The following MDGA2 variants were observed in gnomAD, a reference collection of about 807,000 sequenced individuals.
MDGA2 encodes the protein MAM domain-containing glycosylphosphatidylinositol anchor protein 2.
MDGA2 carries 40 observed loss-of-function variants against 117.8 expected under a neutral mutation model. The observed-to-expected ratio is 0.34, with a 90% confidence interval of 0.26 to 0.44. The LOEUF is 0.44. Among genes scored for constraint, MDGA2 ranks in the 20% least tolerant of loss-of-function variants. The pLI, the probability that MDGA2 is intolerant of heterozygous loss-of-function variation, is 1.00. For missense variants in MDGA2, 1,123 were observed against 1,250.6 expected (o/e 0.90, Z 1.54); for synonymous variants, 452 against 439.0 (o/e 1.03, Z -0.37).
At chr14:47,321,238 T>A (rs1489915362) in intron 1 of MDGA2, among the ~76,000 whole-genome samples, 1 of 152,192 alleles carries the variant, frequency 6.6e-6, no homozygotes, top group Non-Finnish European at 1.5e-5. Context: ...CTCTTGAGAT[T>A]CTCTTATGTG....
intron 1 of MDGA2, among the ~76,000 whole-genome samples, chr14:47,531,077 C>T (rs940473643): frequency 5.3e-5 from 8 of 152,078 alleles, no homozygotes; most frequent in Non-Finnish European, 1.0e-4. Context: ...AACCCCGTCT[C>T]TACTAAAAAT....
At chr14:47,267,478 T>A (rs930514666) in intron 2 of MDGA2, among the ~76,000 whole-genome samples, 1 of 152,172 alleles carries the variant, frequency 6.6e-6, no homozygotes, top group Admixed American at 6.5e-5. Flanking sequence ...GTTATTTATG[T>A]CATTTTTTTT....
At chr14:47,458,549 G>C (rs1318332455) in intron 1 of MDGA2, among the ~76,000 whole-genome samples, 5 of 152,124 alleles carry the variant, frequency 3.3e-5, no homozygotes, top group African/African-American at 1.2e-4. Context: ...CAAAGTTTCA[G>C]TTATGCTGGA....
chr14:47,261,831 C>T (rs1887806637), intron 2 of MDGA2, among the ~76,000 whole-genome samples: 3 of 152,086 alleles, frequency 2.0e-5, no homozygotes, highest in Non-Finnish European at 2.9e-5. Flanking sequence ...GTAAACTAAA[C>T]CAGCAACCTA....
intron 14 of MDGA2, among the ~76,000 whole-genome samples, chr14:46,864,738 C>T (rs576125447): frequency 1.3e-5 from 2 of 151,692 alleles, no homozygotes; most frequent in Admixed American, 6.6e-5. Flanking sequence ...TAATTCTTAA[C>T]AGAAAGCGTG....
intron 1 of MDGA2, among the ~76,000 whole-genome samples, chr14:47,405,660 T>A (rs1300498094): frequency 2.6e-5 from 4 of 152,204 alleles, no homozygotes; most frequent in Non-Finnish European, 5.9e-5. Context: ...GCAAAATCAC[T>A]TTGACAGTTA....
chr14:47,552,378 C>T (rs567209611), intron 1 of MDGA2, among the ~76,000 whole-genome samples: 1 of 152,326 alleles, frequency 6.6e-6, no homozygotes, highest in South Asian at 2.1e-4. Context: ...CCAAAACTGG[C>T]TTTGAGCTAA....
At chr14:47,284,289 ACT>A (rs1275689651) in intron 2 of MDGA2, among the ~76,000 whole-genome samples, 11 of 152,164 alleles carry the variant, frequency 7.2e-5, no homozygotes, top group Non-Finnish European at 1.5e-5. Context: ...CATCTCTGGG[ACT>A]TGAGTGTAAT....
At chr14:47,320,076 T>G (rs1428759388) in intron 1 of MDGA2, among the ~76,000 whole-genome samples, 2 of 152,212 alleles carry the variant, frequency 1.3e-5, no homozygotes, top group African/African-American at 2.4e-5. Context: ...TGAAGCAGAT[T>G]CTTCCTTACA....
chr14:47,540,563 TAC>T (rs1555330674), intron 1 of MDGA2, among the ~76,000 whole-genome samples: 3 of 112,520 alleles, frequency 2.7e-5, no homozygotes, highest in African/African-American at 2.9e-5. Context: ...TGTATATATA[TAC>T]ACACACACAT....
intron 9 of MDGA2, among the ~76,000 whole-genome samples, chr14:46,922,722 C>A (rs1884178996): frequency 6.6e-6 from 1 of 152,142 alleles, no homozygotes; most frequent in Non-Finnish European, 1.5e-5. Flanking sequence ...TCTGAAATTA[C>A]CTCCAGGTCT....
At chr14:47,258,958 G>A (rs994315688) in intron 2 of MDGA2, among the ~76,000 whole-genome samples, 1 of 152,090 alleles carries the variant, frequency 6.6e-6, no homozygotes, top group African/African-American at 2.4e-5. Flanking sequence ...CCCATAACCT[G>A]TCAGCTGAAA....
intron 3 of MDGA2, among the ~76,000 whole-genome samples, chr14:47,157,120 A>C (rs1883419872): frequency 6.6e-6 from 1 of 152,184 alleles, no homozygotes; most frequent in South Asian, 2.1e-4. Context: ...TTCTTTGATA[A>C]ATCGATGGGA....
intron 1 of MDGA2, among the ~76,000 whole-genome samples, chr14:47,602,693 A>G (rs987920501): frequency 6.6e-6 from 1 of 152,180 alleles, no homozygotes; most frequent in Non-Finnish European, 1.5e-5. Flanking sequence ...CTCCAATGGC[A>G]GGAAAACTTA....
At chr14:47,299,024 T>G (rs79567268) in intron 2 of MDGA2, among the ~76,000 whole-genome samples, 4,413 of 152,128 alleles carry the variant, frequency 0.029, 153 homozygotes, top group East Asian at 0.18. Context: ...AAGCTGAAAC[T>G]GATTCACCTG....
At chr14:47,067,187 C>G (rs961169955) in intron 6 of MDGA2, among the ~76,000 whole-genome samples, 2 of 152,106 alleles carry the variant, frequency 1.3e-5, no homozygotes, top group African/African-American at 4.8e-5. Flanking sequence ...AAAAAAAGTT[C>G]GTATTTCTCC....
intron 1 of MDGA2, among the ~76,000 whole-genome samples, chr14:47,328,917 A>C (rs1890219438): frequency 6.6e-6 from 1 of 152,146 alleles, no homozygotes; most frequent in Non-Finnish European, 1.5e-5. Context: ...AATCATAGCA[A>C]CATTTGGTTG....
intron 11 of MDGA2, among the ~76,000 whole-genome samples, chr14:46,877,862 C>G (rs2097462479): frequency 6.6e-6 from 1 of 151,840 alleles, no homozygotes; most frequent in Admixed American, 6.6e-5. Context: ...CTAGGCCAAT[C>G]TATAATCTAG....
chr14:47,379,014 T>C (rs1891546086), intron 1 of MDGA2, among the ~76,000 whole-genome samples: 1 of 152,144 alleles, frequency 6.6e-6, no homozygotes, highest in Non-Finnish European at 1.5e-5. Flanking sequence ...TAACAGCGGA[T>C]CTCTTGGCAG....
Sources: allele counts gnomAD v4.1 joint callset (sites outside exome capture counted in the v4.1 genomes callset), GRCh38; gene constraint gnomAD v4.1.1; transcripts MANE v1.5; gene names NCBI Gene and HGNC (gene_info 2026-07-23, HGNC 2026-07-21).